Variants in CSMD2 observed in about 807,000 individuals in gnomAD.
CSMD2 encodes CUB and Sushi multiple domains 2.
A neutral mutation model predicts 398.5 loss-of-function variants in CSMD2; 130 were observed. The observed-to-expected ratio is 0.33, with a 90% CI of 0.28 to 0.38. The LOEUF is 0.38. Among genes scored for constraint, CSMD2 ranks in the 10% least tolerant of loss-of-function variants. The probability of loss-of-function intolerance (pLI) is 1.00; values close to 1 mark genes in which losing one functional copy is unlikely to be tolerated. For synonymous variants in CSMD2, 1,828 were observed against 1,908.5 expected (o/e 0.96, Z 1.10); for missense variants, 3,829 against 4,764.9 (o/e 0.80, Z 5.78).
intron 2 of CSMD2, among the ~76,000 whole-genome samples, chr1:34,040,556 T>C (rs1382537254): frequency 6.6e-6 from 1 of 152,240 alleles, no homozygotes; most frequent in Non-Finnish European, 1.5e-5. Flanking sequence ...TGCATGTGTA[T>C]TTCTAAATGA....
At chr1:33,825,881 G>A (rs1658751497) in intron 6 of CSMD2, 107 bp from the exon 7 acceptor site, 10 of 868,730 alleles carry the variant, frequency 1.2e-5, no homozygotes, top group Non-Finnish European at 1.8e-5. Context: ...TCCATGGTGG[G>A]TCAAAGCCAG....
chr1:33,581,421 C>T (rs1570811965), intron 47 of CSMD2, among the ~76,000 whole-genome samples: 1 of 146,556 alleles, frequency 6.8e-6, no homozygotes, highest in Non-Finnish European at 1.5e-5. Context: ...TGCCTGTAGT[C>T]CCAGCTACTG....
chr1:34,130,705 T>C (rs1265111296), intron 1 of CSMD2, among the ~76,000 whole-genome samples: 2 of 152,160 alleles, frequency 1.3e-5, no homozygotes, highest in Non-Finnish European at 2.9e-5. Context: ...AGACTCACCC[T>C]GCTCAGCCCT....
At chr1:33,614,134 G>A (rs764564262) in intron 40 of CSMD2, among the ~76,000 whole-genome samples, 1 of 149,578 alleles carries the variant, frequency 6.7e-6, no homozygotes. Flanking sequence ...ACAGATTTCC[G>A]CCCCACCCCC....
chr1:34,092,085 G>A (rs992408530), intron 1 of CSMD2, among the ~76,000 whole-genome samples: 17 of 152,010 alleles, frequency 1.1e-4, no homozygotes, highest in Non-Finnish European at 1.6e-4. Flanking sequence ...GTCAATGACA[G>A]ATAAAAATAT....
chr1:33,724,713 G>A lies in CSMD2; in HGVS notation c.2696-9C>T. 1.2e-6 allele frequency: 2 copies of A among 1,613,146 alleles called. No homozygotes were observed. Among genetic ancestry groups the A allele is most frequent in the South Asian group, 1.1e-5 (1 of 90,910 alleles). ...TGACTGCAGTGTTATAGCTGAAAGA[G>A]AGAGGCCACAGCTGGGACAGACAGC... On this transcript the variant is annotated splice_polypyrimidine_tract_variant and intron_variant, in intron 17 of 70. Transcript: ENST00000373381.
At chr1:33,885,661 A>G (rs1558053209) in intron 5 of CSMD2, among the ~76,000 whole-genome samples, 1 of 152,166 alleles carries the variant, frequency 6.6e-6, no homozygotes, top group African/African-American at 2.4e-5. Flanking sequence ...AGAATCTGCC[A>G]AATTCCTATG....
rs774156082 is a variant in CSMD2 at position 33,772,746 on chromosome 1, C to T, written c.1669G>A (p.Glu557Lys). ...LGFKASYEEI[E>K]QGSCGDPGIP... The stretch of plus-strand genomic sequence containing the variant: ...CCAGGGTCACCGCAACTGCCCTGCT[C>T]GATCTCTGAAAGACAGGAAGATGAG... The change falls in exon 13 of 71, where the codon GAG becomes AAG. Residue 557 changes from glutamate (E) to lysine (K), a missense_variant. By Grantham distance (56) the Glu-to-Lys change is moderately conservative. Coordinates refer to ENST00000373381, the MANE Select transcript of CSMD2 (RefSeq NM_001281956.2). The T allele has an allele frequency of 6.2e-6, 10 of 1,610,108 alleles. No individual in the cohort carries two copies. Among genetic ancestry groups the T allele is most frequent in the Admixed American group, 1.7e-5 (1 of 59,894 alleles).
chr1:33,587,648 T>C (rs1372420089), intron 44 of CSMD2, among the ~76,000 whole-genome samples: 1 of 152,258 alleles, frequency 6.6e-6, no homozygotes, highest in Non-Finnish European at 1.5e-5. Context: ...TTCCCACCAC[T>C]GAGCATCTAC....
chr1:33,965,813 T>G (rs929481999), intron 3 of CSMD2, among the ~76,000 whole-genome samples: 2 of 152,222 alleles, frequency 1.3e-5, no homozygotes, highest in African/African-American at 4.8e-5. Flanking sequence ...ACCTCACAGT[T>G]TGTGAACCCA....
chr1:33,617,594 C>G lies in CSMD2; in HGVS notation c.5851G>C (p.Glu1951Gln), dbSNP rs1401999110. 1 of 1,614,014 alleles carries G rather than the reference C, an allele frequency of 6.2e-7. No individual in the cohort carries two copies. The highest frequency in any genetic ancestry group is 8.5e-7 in the Non-Finnish European group (1 of 1,179,918). ...YKTVGLSSCP[E>Q]PAVPSNGVKT... ...ACCCCGTTACTGGGCACAGCAGGTTCCGGACAACTGCTCAGGCCCACCGCT... is the reference window on the plus strand; with the variant it reads ...ACCCCGTTACTGGGCACAGCAGGTTGCGGACAACTGCTCAGGCCCACCGCT... Residue 1951 changes from glutamate to glutamine, a missense_variant, in exon 38 of 71, where the codon GAA becomes CAA. Around this residue, in one of 5 missense-constraint regions of CSMD2, gnomAD observed 2,001 missense variants for 2,567.1 expected, o/e 0.78. Coordinates refer to ENST00000373381, the MANE Select transcript of CSMD2 (RefSeq NM_001281956.2).
intron 12 of CSMD2, among the ~76,000 whole-genome samples, chr1:33,781,998 T>A (rs996964555): frequency 6.6e-6 from 1 of 151,894 alleles, no homozygotes; most frequent in Non-Finnish European, 1.5e-5. Context: ...GAAGAAAGGA[T>A]GATACTGGAG....
At chr1:33,919,209 G>A (rs1327531816) in intron 4 of CSMD2, among the ~76,000 whole-genome samples, 5 of 152,220 alleles carry the variant, frequency 3.3e-5, no homozygotes, top group Non-Finnish European at 4.4e-5. Context: ...GCAACTAGGA[G>A]GTATAAAATC....
At chr1:34,075,585 T>C (rs1486254355) in intron 2 of CSMD2, among the ~76,000 whole-genome samples, 1 of 152,232 alleles carries the variant, frequency 6.6e-6, no homozygotes, top group Non-Finnish European at 1.5e-5. Context: ...GTGTTTCCCA[T>C]AACTTGAGCC....
At chr1:33,527,940 C>CA (rs61088318) in intron 64 of CSMD2, among the ~76,000 whole-genome samples, 1,851 of 108,122 alleles carry the variant, frequency 0.017, 20 homozygotes, top group African/African-American at 0.03. Context: ...GACTCTGTCT[C>CA]AAAAAAAAAA....
At chr1:33,738,700 T>G (rs943913322) in intron 15 of CSMD2, among the ~76,000 whole-genome samples, 1 of 152,110 alleles carries the variant, frequency 6.6e-6, no homozygotes, top group African/African-American at 2.4e-5. Context: ...AGGCCGAGAC[T>G]GGGAGACATC....
intron 22 of CSMD2, among the ~76,000 whole-genome samples, chr1:33,708,340 A>G (rs1645872272): frequency 6.6e-6 from 1 of 152,160 alleles, no homozygotes; most frequent in African/African-American, 2.4e-5. Flanking sequence ...CACAATGCAC[A>G]AGTGCACATA....
At position 34,020,968 on chromosome 1, in the gene CSMD2, G is replaced by A. The variant is rs189521951; in HGVS notation, c.517+11626C>T. The stretch of plus-strand genomic sequence containing the variant: ...ACGGCATCCACAGGGGAAGGACAGG[G>A]ATGCCATCTGTCCACCGCCAAATCT... On this transcript the variant is annotated intron_variant, in intron 3 of 70. Transcript: ENST00000373381. 3.6e-3 allele frequency among the ~76,000 whole-genome samples: 544 copies of A among 152,212 alleles called. 4 individuals carry two copies. The highest frequency in any genetic ancestry group is 0.017 in the Middle Eastern group (5 of 294).
At chr1:33,733,753 C>T (rs190946252) in intron 15 of CSMD2, among the ~76,000 whole-genome samples, 1 of 152,212 alleles carries the variant, frequency 6.6e-6, no homozygotes, top group African/African-American at 2.4e-5. Flanking sequence ...AAGGTGCCTG[C>T]TTCTCTTTTG....
Sources: allele counts gnomAD v4.1 joint callset (sites outside exome capture counted in the v4.1 genomes callset), GRCh38; gene constraint gnomAD v4.1.1; regional missense constraint gnomAD v4.1.1; transcripts MANE v1.5; gene names NCBI Gene and HGNC (gene_info 2026-07-23, HGNC 2026-07-21).